Variants in GABRA2 observed in about 807,000 individuals in gnomAD.
The protein encoded by GABRA2 is gamma-aminobutyric acid receptor subunit alpha-2.
Under a neutral mutation model 48.7 loss-of-function variants are expected in GABRA2, and 16 were observed. The ratio of observed to expected loss-of-function variants is 0.33; its 90% confidence interval spans 0.22 to 0.50. GABRA2 has a LOEUF of 0.50. Ranked by LOEUF, GABRA2 falls within the 20% of genes least tolerant of loss-of-function variation. The pLI, the probability that GABRA2 is intolerant of heterozygous loss-of-function variation, is 0.98. For synonymous variants in GABRA2, 185 were observed against 184.5 expected (o/e 1.00, Z -0.02); for missense variants, 275 against 535.6 (o/e 0.51, Z 4.80).
Position 46,245,395 on chromosome 4 carries a change from G to T in GABRA2, c.*4913C>A, listed in dbSNP as rs1713532892. Reference sequence around the variant, plus strand: ...CAAAGATGTTTCTATTCTATCTCATGAAGCAGAATTGCAAGATCATTTTGA... The same window carrying T: ...CAAAGATGTTTCTATTCTATCTCATTAAGCAGAATTGCAAGATCATTTTGA... On this transcript the variant is annotated 3_prime_UTR_variant, in exon 10 of 10. Transcript: ENST00000381620. Among the ~76,000 whole-genome samples the T allele has an allele frequency of 6.6e-6, 1 of 151,178 alleles. No individual in the cohort carries two copies. Among genetic ancestry groups the T allele is most frequent in the Admixed American group, 6.6e-5 (1 of 15,110 alleles).
At chr4:46,343,501 G>C (rs899321716) in intron 3 of GABRA2, among the ~76,000 whole-genome samples, 2 of 151,756 alleles carry the variant, frequency 1.3e-5, no homozygotes, top group African/African-American at 4.8e-5. Context: ...ACCAGCATAG[G>C]GGAAACTGCA....
At chr4:46,283,807 C>T (rs1405427768) in intron 8 of GABRA2, among the ~76,000 whole-genome samples, 2 of 152,154 alleles carry the variant, frequency 1.3e-5, no homozygotes, top group Non-Finnish European at 2.9e-5. Flanking sequence ...TCACCCAGGC[C>T]GGAGTGCAGT....
intron 9 of GABRA2, 137 bp from the exon 10 acceptor site, chr4:46,250,741 A>G (rs940478006): frequency 4.7e-6 from 3 of 633,784 alleles, no homozygotes; most frequent in Non-Finnish European, 7.9e-6. Context: ...AATTAGGAAA[A>G]TAAATAAAGG....
At chr4:46,364,333 T>C (rs1351471888) in intron 3 of GABRA2, 1 of 152,216 alleles carries the variant, frequency 6.6e-6, no homozygotes, top group Non-Finnish European at 1.5e-5. Context: ...CACTGAAAAA[T>C]GTATTTTAAA....
At chr4:46,283,860 T>C (rs912262878) in intron 8 of GABRA2, among the ~76,000 whole-genome samples, 23 of 152,082 alleles carry the variant, frequency 1.5e-4, no homozygotes, top group East Asian at 9.7e-4. Flanking sequence ...CCTGGGTTCA[T>C]GCCATTCTCC....
intron 3 of GABRA2, among the ~76,000 whole-genome samples, chr4:46,372,643 C>T (rs1161900064): frequency 6.6e-6 from 1 of 152,148 alleles, no homozygotes; most frequent in African/African-American, 2.4e-5. Context: ...AAACACATCC[C>T]TAAATGATGA....
rs758966159 is a variant in GABRA2 at position 46,250,602 on chromosome 4, T to C, written c.1062A>G (p.Lys354=). 1.3e-6 allele frequency: 2 copies of C among 1,582,408 alleles called. No individual in the cohort carries two copies. The highest frequency in any genetic ancestry group is 2.2e-5 in the East Asian group (1 of 44,486). The change falls in exon 10 of 10, where the codon AAA becomes AAG. Residue 354 remains lysine (K), a splice_region_variant and synonymous_variant. Transcript: ENST00000381620. The part of the protein sequence containing the change: ...WDGKSVVNDK[K]KEKASVMIQN... The stretch of plus-strand genomic sequence containing the variant: ...GTATCATAACGGAAGCCTTTTCTTT[T>C]TTCTATTGAAAAATACAAAAATTAA...
chr4:46,374,432 C>T (rs954133031), intron 3 of GABRA2, among the ~76,000 whole-genome samples: 1 of 152,126 alleles, frequency 6.6e-6, no homozygotes, highest in African/African-American at 2.4e-5. Context: ...CCAATACTTA[C>T]TAAAATATGT....
chr4:46,321,123 G>A (rs1402704930), intron 4 of GABRA2, among the ~76,000 whole-genome samples: 4 of 151,888 alleles, frequency 2.6e-5, no homozygotes, highest in East Asian at 1.9e-4. Flanking sequence ...TAAGTCAGAC[G>A]CAGAAGGAAA....
At chr4:46,308,786 C>T (rs1727133491) in intron 6 of GABRA2, among the ~76,000 whole-genome samples, 1 of 151,932 alleles carries the variant, frequency 6.6e-6, no homozygotes, top group Admixed American at 6.6e-5. Context: ...TAAATATTTT[C>T]AAGTGTGCTT....
chr4:46,349,169 C>A (rs1453757742), intron 3 of GABRA2, among the ~76,000 whole-genome samples: 1 of 151,924 alleles, frequency 6.6e-6, no homozygotes, highest in Admixed American at 6.6e-5. Context: ...AAACATAATT[C>A]TATATGCACT....
intron 8 of GABRA2, among the ~76,000 whole-genome samples, chr4:46,265,781 G>T (rs1476396538): frequency 2.0e-5 from 3 of 151,538 alleles, no homozygotes; most frequent in African/African-American, 7.3e-5. Flanking sequence ...ATTGATTTGA[G>T]AATTTTTTTT....
At chr4:46,299,244 A>G (rs1725295536) in intron 8 of GABRA2, among the ~76,000 whole-genome samples, 1 of 151,792 alleles carries the variant, frequency 6.6e-6, no homozygotes, top group African/African-American at 2.4e-5. Flanking sequence ...TAAAATTTTT[A>G]TTCCTGAATT....
chr4:46,359,257 C>A (rs1712744412), intron 3 of GABRA2, among the ~76,000 whole-genome samples: 1 of 152,174 alleles, frequency 6.6e-6, no homozygotes, highest in Admixed American at 6.5e-5. Context: ...CACTATCCAA[C>A]ACATTCTACT....
intron 3 of GABRA2, among the ~76,000 whole-genome samples, chr4:46,379,919 T>A (rs1430437430): frequency 1.3e-5 from 2 of 152,194 alleles, no homozygotes; most frequent in Admixed American, 6.5e-5. Flanking sequence ...TCCACAGTTT[T>A]ATATACTGAG....
At chr4:46,319,677 T>A (rs1453985342) in intron 4 of GABRA2, among the ~76,000 whole-genome samples, 1 of 151,778 alleles carries the variant, frequency 6.6e-6, no homozygotes, top group Non-Finnish European at 1.5e-5. Flanking sequence ...CAGAACAACA[T>A]AGCTACTGCA....
rs1025185541 is a variant in GABRA2, at chr4:46,289,192, C to T, written c.856+14268G>A. On this transcript the variant is annotated intron_variant, in intron 8 of 9. Transcript: ENST00000381620. Reference sequence around the variant, plus strand: ...ATAGAAATACCATTTGTCCCGTAAGCTCATTACTGGGTATATACCCAAAGG... The same window carrying T: ...ATAGAAATACCATTTGTCCCGTAAGTTCATTACTGGGTATATACCCAAAGG... 2.2e-4 allele frequency among the ~76,000 whole-genome samples: 33 copies of T among 152,280 alleles called. No individual in the cohort carries two copies. In the Middle Eastern group the frequency reaches 0.014, roughly 63 times the overall value.
At chr4:46,276,909 C>A (rs1381800415) in intron 8 of GABRA2, among the ~76,000 whole-genome samples, 1 of 151,804 alleles carries the variant, frequency 6.6e-6, no homozygotes, top group Admixed American at 6.6e-5. Flanking sequence ...ATCATTATTG[C>A]TATATAAATT....
rs556505736 is a variant in GABRA2, at chr4:46,375,708, G to A, written c.187+10366C>T. Among the ~76,000 whole-genome samples, 4 of 152,248 alleles carry A rather than the reference G, an allele frequency of 2.6e-5. No individual in the cohort carries two copies. In the South Asian group the frequency reaches 8.3e-4, roughly 32 times the overall value. On this transcript the variant is annotated intron_variant, in intron 3 of 9. Coordinates refer to ENST00000381620, the MANE Select transcript of GABRA2 (RefSeq NM_000807.4). ...AGTTCAATAAAGAAAACACAGAGTG[G>A]TTATACAGAATTCTTAATTAAGAAG...
Sources: gnomAD v4.1 joint callset for allele counts (sites outside exome capture counted in the v4.1 genomes callset) on GRCh38, gnomAD v4.1.1 for gene constraint, MANE v1.5 for transcripts, NCBI Gene and HGNC (gene_info 2026-07-23, HGNC 2026-07-21) for gene names.